Variants in FMNL1 observed in about 807,000 individuals in gnomAD.
FMNL1 encodes the protein formin like 1.
FMNL1 carries 43 observed loss-of-function variants against 121.3 expected under a neutral mutation model. The ratio of observed to expected loss-of-function variants is 0.35; its 90% confidence interval spans 0.28 to 0.46. The LOEUF (loss-of-function observed/expected upper bound fraction) is 0.46, where lower values mean the gene tolerates loss of function less well. Ranked by LOEUF, FMNL1 falls within the 20% of genes least tolerant of loss-of-function variation. FMNL1 has a pLI of 1.00. For missense variants in FMNL1, 1,191 were observed against 1,482.4 expected, an observed-to-expected ratio of 0.80 and a Z score of 3.23; for synonymous variants, 613 against 613.5, an observed-to-expected ratio of 1.00 and a Z score of 0.01.
chr17:45,239,385 C>A, intron 11 of FMNL1: 1 of 298,728 alleles, frequency 3.3e-6, no homozygotes, highest in South Asian at 4.5e-5. Flanking sequence ...GCTCTGGGAG[C>A]ACCAGCCTCA....
chr17:45,231,426 G>T lies in FMNL1; in HGVS notation c.213+739G>T. The T allele has an allele frequency of 6.6e-6, 1 of 152,588 alleles. No individual in the cohort carries two copies. The allele number at this position is 152,588 out of a possible 1,614,324, so 9.5% of individuals were successfully genotyped here. Reference sequence around the variant, plus strand: ...TGAAGCAGATGGCCTGAGCCGGCTGGGCAGCAGTCCAGGGGTAAGGGCTGG... The same window carrying T: ...TGAAGCAGATGGCCTGAGCCGGCTGTGCAGCAGTCCAGGGGTAAGGGCTGG... On this transcript the variant is annotated intron_variant, in intron 2 of 26. Coordinates refer to ENST00000331495, the MANE Select transcript of FMNL1 (RefSeq NM_005892.4). This position sits in a 1 kb window ranked among gnomAD's most constrained non-coding sequence, Gnocchi z 4.7.
At chr17:45,236,466 A>G in intron 7 of FMNL1, 2 of 450,312 alleles carry the variant, frequency 4.4e-6, no homozygotes, top group East Asian at 3.7e-5. Flanking sequence ...ACCCCTGCCC[A>G]TGGCTGGGCA....
chr17:45,242,423 C>A lies in FMNL1; in HGVS notation c.1968C>A (p.Thr656=), dbSNP rs375072398. 6.2e-7 allele frequency: 1 copy of A among 1,614,122 alleles called. No individual in the cohort carries two copies. Among genetic ancestry groups the A allele is most frequent in the South Asian group, 1.1e-5 (1 of 91,088 alleles). Reference sequence around the variant, plus strand: ...TGGCACTGAAACCCAGCCAGATCACCGGCACTGTCTTCACAGAGCTCAATG... The same window carrying A: ...TGGCACTGAAACCCAGCCAGATCACAGGCACTGTCTTCACAGAGCTCAATG... ...NWVALKPSQI[T]GTVFTELNDE... The change falls in exon 16 of 27, where the codon ACC becomes ACA. Residue 656 remains threonine, a synonymous_variant. Coordinates refer to ENST00000331495, the MANE Select transcript of FMNL1 (RefSeq NM_005892.4).
intron 6 of FMNL1, 137 bp downstream of exon 6, chr17:45,234,337 AT>A: frequency 6.9e-7 from 1 of 1,453,280 alleles, no homozygotes; most frequent in South Asian, 1.2e-5. Context: ...TAAGGGACTC[AT>A]ACAGAGTTTG....
chr17:45,244,161 C>T lies in FMNL1; in HGVS notation c.2449-15C>T, dbSNP rs771198079. On this transcript the variant is annotated splice_polypyrimidine_tract_variant and intron_variant, in intron 18 of 26. Coordinates refer to ENST00000331495, the MANE Select transcript of FMNL1 (RefSeq NM_005892.4). ...GAGGCTCCAACTTATCTTACCTCCC[C>T]CATCCCACCCCCAGCAACTGAATGC... 6.2e-7 allele frequency: 1 copy of T among 1,612,398 alleles called. No homozygotes were observed.
chr17:45,226,959 A>G (rs2043340872), intron 1 of FMNL1, among the ~76,000 whole-genome samples: 1 of 152,184 alleles, frequency 6.6e-6, no homozygotes, highest in African/African-American at 2.4e-5. Flanking sequence ...GAAAATCTAT[A>G]TGCCAAAGTT....
chr17:45,232,876 T>C, intron 3 of FMNL1: 1 of 553,586 alleles, frequency 1.8e-6, no homozygotes, highest in South Asian at 1.5e-5. Flanking sequence ...TATGGATGTG[T>C]GGATATTCTA....
chr17:45,230,466 C>G (rs906535414), intron 1 of FMNL1, 138 bp from the exon 2 acceptor site: 33 of 680,636 alleles, frequency 4.8e-5, no homozygotes, highest in Non-Finnish European at 1.3e-5. Context: ...GATAACACTA[C>G]GTATCTCCTA....
chr17:45,245,568 A>G, intron 22 of FMNL1, 64 bp from the exon 23 acceptor site: 1 of 1,603,326 alleles, frequency 6.2e-7, no homozygotes, highest in Middle Eastern at 1.7e-4. Flanking sequence ...TCAGGTGGCC[A>G]GTGTCCTGAG....
Position 45,232,967 on chromosome 17 carries a change from G to A in FMNL1, c.328-257G>A, listed in dbSNP as rs148885200. ...GCACACACACTCTGCCTCTTTGTGT[G>A]TGTGCATGTGTATACCTTGTGTGCC... On this transcript the variant is annotated intron_variant, in intron 3 of 26. Coordinates refer to ENST00000331495, the MANE Select transcript of FMNL1 (RefSeq NM_005892.4). 1.8e-3 allele frequency: 1,081 copies of A among 610,286 alleles called. 8 individuals carry two copies. The African/African-American group carries it at 0.018, about 10-fold the overall frequency. The allele number at this position is 610,286 out of a possible 1,614,324, so 37.8% of individuals were successfully genotyped here. A position where few individuals can be genotyped will look rare whatever the true frequency, so the allele number is the denominator to read the frequency against.
intron 19 of FMNL1, 87 bp from the exon 20 acceptor site, chr17:45,244,732 T>G: frequency 7.1e-7 from 1 of 1,414,650 alleles, no homozygotes; most frequent in East Asian, 2.3e-5. Context: ...GCCTGCTCCT[T>G]GCCACCTCTT....
chr17:45,235,117 A>T (rs911727455), intron 6 of FMNL1, among the ~76,000 whole-genome samples: 1 of 152,254 alleles, frequency 6.6e-6, no homozygotes, highest in Non-Finnish European at 1.5e-5. Context: ...TTGTCCATTC[A>T]TGCAATTATG....
intron 1 of FMNL1, among the ~76,000 whole-genome samples, chr17:45,224,892 C>T (rs12449792): frequency 0.35 from 53,868 of 152,206 alleles, 10,501 homozygotes; most frequent in Non-Finnish European, 0.46. Flanking sequence ...AGCGGGGCGC[C>T]AAGCTCTCGC....
rs1308902731 is a variant in FMNL1, at chr17:45,241,985, C to G, written c.1724C>G (p.Pro575Arg). 77 of 1,300,912 alleles carry G rather than the reference C, an allele frequency of 5.9e-5. No individual in the cohort carries two copies. The East Asian group carries it at 2.5e-3, about 42-fold the overall frequency. 80.6% of individuals were successfully genotyped at this position (1,300,912 alleles called of 1,614,324 possible). A position where few individuals can be genotyped will look rare whatever the true frequency, so the allele number is the denominator to read the frequency against. The part of the protein sequence containing the change: ...APPLPGSPEP[P>R]PAPPLPGDLP... ...CCTCTCCCTGGCAGCCCGGAGCCCC[C>G]GCCTGCGCCGCCGCTGCCCGGAGAC... Residue 575 changes from proline to arginine, a missense_variant, in exon 15 of 27, where the codon CCG (proline) becomes CGG (arginine). Transcript: ENST00000331495. This position sits in a 1 kb window ranked among gnomAD's most constrained non-coding sequence, Gnocchi z 7.0.
Position 45,243,203 on chromosome 17 carries a change from C to T in FMNL1, c.2096C>T (p.Ala699Val). ...SLDLSALKSKAAQKAPSKATL... is the reference protein window; with the variant it reads ...SLDLSALKSKVAQKAPSKATL... ...GACCTCAGCGCTCTCAAGAGTAAGGCAGCCCAGAAGGCCCCCAGCAAGGCG... is the reference window on the plus strand; with the variant it reads ...GACCTCAGCGCTCTCAAGAGTAAGGTAGCCCAGAAGGCCCCCAGCAAGGCG... The change falls in exon 17 of 27, where the codon GCA becomes GTA. Residue 699 changes from alanine to valine, a missense_variant. Ala to Val is a moderately conservative substitution (Grantham distance 64). Coordinates refer to ENST00000331495, the MANE Select transcript of FMNL1 (RefSeq NM_005892.4). 1 of 1,614,226 alleles carries T rather than the reference C, an allele frequency of 6.2e-7. No homozygotes were observed. The highest frequency in any genetic ancestry group is 8.5e-7 in the Non-Finnish European group (1 of 1,180,042).
chr17:45,246,066 G>C, intron 24 of FMNL1, 93 bp downstream of exon 24: 2 of 1,524,338 alleles, frequency 1.3e-6, no homozygotes, highest in African/African-American at 2.8e-5. Flanking sequence ...CACTGTTACA[G>C]ACTGACCCTG....
In FMNL1 at chr17:45,243,805, C is replaced by T. The variant is rs201901138; in HGVS notation, c.2228C>T (p.Ala743Val). 77 of 1,611,736 alleles carry T rather than the reference C, an allele frequency of 4.8e-5. No homozygotes were observed. The Admixed American group carries it at 7.8e-4, about 16-fold the overall frequency. ...CQAIEAYDLQ[A>V]LGLDFLELLM... Reference sequence around the variant, plus strand: ...CCCTCTCACAGGTACGACCTGCAGGCTCTGGGCCTGGACTTCCTGGAGCTG... The same window carrying T: ...CCCTCTCACAGGTACGACCTGCAGGTTCTGGGCCTGGACTTCCTGGAGCTG... The change falls in exon 18 of 27, where the codon GCT becomes GTT. Residue 743 changes from alanine (A) to valine (V), a missense_variant. By Grantham distance (64) the Ala-to-Val change is moderately conservative. Transcript: ENST00000331495.
intron 1 of FMNL1, among the ~76,000 whole-genome samples, chr17:45,226,538 A>AG (rs1229223901): frequency 1.3e-5 from 2 of 152,218 alleles, no homozygotes; most frequent in East Asian, 3.8e-4. Flanking sequence ...CTTGCCACCG[A>AG]GGCCACCCTG....
chr17:45,241,749 G>A lies in FMNL1; in HGVS notation c.1586-98G>A, dbSNP rs1371734425. ...AGGTTTGGATTGTAGGCTCGGCTCA[G>A]GTAGGAGCGCATGCGTAGAGCGGAG... On this transcript the variant is annotated intron_variant, in intron 14 of 26. Transcript: ENST00000331495. This position sits in a 1 kb window ranked among gnomAD's most constrained non-coding sequence, Gnocchi z 7.0. The A allele has an allele frequency of 2.8e-6, 4 of 1,425,854 alleles. No homozygotes were observed. The highest frequency in any genetic ancestry group is 3.6e-6 in the Non-Finnish European group (4 of 1,096,940). The allele number at this position is 1,425,854 out of a possible 1,614,324, so 88.3% of individuals were successfully genotyped here. A position where few individuals can be genotyped will look rare whatever the true frequency, so the allele number is the denominator to read the frequency against.
Sources: allele counts gnomAD v4.1 joint callset (sites outside exome capture counted in the v4.1 genomes callset), GRCh38; gene constraint gnomAD v4.1.1; non-coding constraint Gnocchi (gnomAD v3.1); transcripts MANE v1.5; gene names NCBI Gene and HGNC (gene_info 2026-07-23, HGNC 2026-07-21).